The following TUBGCP3 variants were observed in gnomAD, a reference collection of about 807,000 sequenced individuals.
TUBGCP3 encodes the protein gamma-tubulin complex component 3.
Under a neutral mutation model 123.1 loss-of-function variants are expected in TUBGCP3, and 50 were observed. That is an observed-to-expected ratio of 0.41 (90% CI 0.32 to 0.51). The LOEUF (loss-of-function observed/expected upper bound fraction) is 0.51. TUBGCP3 is among the 20% of genes least tolerant of loss of function. The pLI is 0.36. For missense variants in TUBGCP3, 882 were observed against 1,127.0 expected, an observed-to-expected ratio of 0.78 and a Z score of 3.11; for synonymous variants, 405 against 413.9, an observed-to-expected ratio of 0.98 and a Z score of 0.26.
At chr13:112,581,191 A>AC (rs900544941) in intron 1 of TUBGCP3, among the ~76,000 whole-genome samples, 14 of 150,320 alleles carry the variant, frequency 9.3e-5, no homozygotes, top group South Asian at 2.1e-4. Flanking sequence ...AAGGACTCAC[A>AC]CCCCCCCATC....
intron 8 of TUBGCP3, among the ~76,000 whole-genome samples, chr13:112,551,020 A>ACC (rs1879531924): frequency 6.6e-6 from 1 of 152,156 alleles, no homozygotes; most frequent in Non-Finnish European, 1.5e-5. Flanking sequence ...AATGGCGTGA[A>ACC]CATGGGAGGC....
intron 10 of TUBGCP3, 186 bp downstream of exon 10, chr13:112,547,434 G>C: frequency 9.8e-7 from 1 of 1,024,872 alleles, no homozygotes. Context: ...GACAAAAACG[G>C]GCAGGACACA....
intron 3 of TUBGCP3, among the ~76,000 whole-genome samples, chr13:112,560,008 C>T (rs1381178489): frequency 3.3e-5 from 5 of 152,090 alleles, no homozygotes; most frequent in African/African-American, 4.8e-5. Flanking sequence ...GTATCACGCA[C>T]CTGTAGTCCC....
At chr13:112,518,662 C>T (rs1876360542) in intron 16 of TUBGCP3, among the ~76,000 whole-genome samples, 1 of 152,154 alleles carries the variant, frequency 6.6e-6, no homozygotes, top group South Asian at 2.1e-4. Context: ...TTCACATTAT[C>T]CTTAACTAGT....
At chr13:112,569,641 G>A (rs527992968) in intron 1 of TUBGCP3, among the ~76,000 whole-genome samples, 1 of 152,110 alleles carries the variant, frequency 6.6e-6, no homozygotes, top group Non-Finnish European at 1.5e-5. Context: ...GCCAGAAGCA[G>A]GTCACTCAAC....
intron 13 of TUBGCP3, among the ~76,000 whole-genome samples, chr13:112,526,555 A>C (rs1243698615): frequency 6.7e-6 from 1 of 150,266 alleles, no homozygotes; most frequent in East Asian, 2.0e-4. Context: ...CCCATCCCCA[A>C]CATCATCACA....
At chr13:112,512,842 C>G (rs572351991) in intron 17 of TUBGCP3, among the ~76,000 whole-genome samples, 1 of 152,294 alleles carries the variant, frequency 6.6e-6, no homozygotes, top group Non-Finnish European at 1.5e-5. Context: ...GCTGTCTAAA[C>G]ATTAATTTTT....
chr13:112,494,059 C>T (rs1279918729), intron 20 of TUBGCP3, among the ~76,000 whole-genome samples: 2 of 151,396 alleles, frequency 1.3e-5, no homozygotes, highest in East Asian at 2.0e-4. Flanking sequence ...CCTGGTGTCC[C>T]TGAGACACTC....
In TUBGCP3 at chr13:112,545,180, G is replaced by C. The variant is rs1406276278; in HGVS notation, c.1335+519C>G. On this transcript the variant is annotated intron_variant, in intron 11 of 21. Transcript: ENST00000261965. This position sits in a 1 kb window ranked among gnomAD's most constrained non-coding sequence, Gnocchi z 4.1. Reference sequence around the variant, plus strand: ...TCTTACTGACAAAGGTTTTGAGTGTGGTGCCCCTCACCCTACCTTCCACCA... The same window carrying C: ...TCTTACTGACAAAGGTTTTGAGTGTCGTGCCCCTCACCCTACCTTCCACCA... 1 of 154,312 alleles carries C rather than the reference G, an allele frequency of 6.5e-6. No individual in the cohort carries two copies. Among genetic ancestry groups the C allele is most frequent in the African/African-American group, 2.4e-5 (1 of 41,482 alleles). 9.6% of individuals were successfully genotyped at this position (154,312 alleles called of 1,614,324 possible). A position where few individuals can be genotyped will look rare whatever the true frequency, so the allele number is the denominator to read the frequency against.
chr13:112,589,377 TGG>T (rs1882826752), upstream of TUBGCP3, among the ~76,000 whole-genome samples: 1 of 152,226 alleles, frequency 6.6e-6, no homozygotes, highest in African/African-American at 2.4e-5. Context: ...TGATGTTATT[TGG>T]TTTACAGATG....
At chr13:112,522,182 C>A in intron 14 of TUBGCP3, 138 bp downstream of exon 14, 1 of 909,050 alleles carries the variant, frequency 1.1e-6, no homozygotes, top group Non-Finnish European at 1.5e-6. Context: ...ATTTTACATT[C>A]TTTTCAGATT....
chr13:112,548,271 G>A (rs1879233353), intron 8 of TUBGCP3, 95 bp from the exon 9 acceptor site: 2 of 847,350 alleles, frequency 2.4e-6, no homozygotes, highest in East Asian at 2.7e-5. Flanking sequence ...ATAAAGTTCA[G>A]GTGGGGTGCT....
chr13:112,587,514 G>C (rs1466095165), intron 1 of TUBGCP3, among the ~76,000 whole-genome samples: 1 of 152,238 alleles, frequency 6.6e-6, no homozygotes, highest in African/African-American at 2.4e-5. Flanking sequence ...CCCACGGCGC[G>C]TGACACCAGA....
intron 1 of TUBGCP3, among the ~76,000 whole-genome samples, chr13:112,576,997 A>G (rs58860954): frequency 2.3e-4 from 34 of 145,394 alleles, no homozygotes; most frequent in Non-Finnish European, 2.2e-4. Flanking sequence ...AAAAAAAAAA[A>G]GAAAAAAAAA....
At chr13:112,489,440 C>T in intron 21 of TUBGCP3, 141 bp downstream of exon 21, 1 of 697,832 alleles carries the variant, frequency 1.4e-6, no homozygotes, top group South Asian at 1.7e-5. Context: ...TCACAGGGTC[C>T]ACCATGGGTG....
chr13:112,574,579 G>T (rs1402618304), intron 1 of TUBGCP3, among the ~76,000 whole-genome samples: 3 of 152,264 alleles, frequency 2.0e-5, no homozygotes, highest in African/African-American at 7.2e-5. Context: ...ATCCCTGAAA[G>T]ATGTAAAGAA....
In TUBGCP3 at chr13:112,519,523, C is replaced by T. The variant is rs1012619654; in HGVS notation, c.1881+363G>A. On this transcript the variant is annotated intron_variant, in intron 15 of 21. Coordinates refer to ENST00000261965, the MANE Select transcript of TUBGCP3 (RefSeq NM_006322.6). This position sits in a 1 kb window ranked among gnomAD's most constrained non-coding sequence, Gnocchi z 6.2. Reference sequence around the variant, plus strand: ...CCATTTTCTGATAAATACCATCGTACACCATGTCTTGTGCTCCTGTTGGAT... The same window carrying T: ...CCATTTTCTGATAAATACCATCGTATACCATGTCTTGTGCTCCTGTTGGAT... Among the ~76,000 whole-genome samples the T allele has an allele frequency of 1.3e-5, 2 of 152,198 alleles. No individual in the cohort carries two copies. Among genetic ancestry groups the T allele is most frequent in the South Asian group, 2.1e-4 (1 of 4,824 alleles).
intron 10 of TUBGCP3, chr13:112,547,393 C>G: frequency 1.5e-6 from 1 of 652,574 alleles, no homozygotes; most frequent in Non-Finnish European, 2.2e-6. Flanking sequence ...TCCCATCTGT[C>G]GATTCCTATC....
At chr13:112,492,586 A>C (rs1481904474) in intron 20 of TUBGCP3, among the ~76,000 whole-genome samples, 1 of 147,978 alleles carries the variant, frequency 6.8e-6, no homozygotes, top group Non-Finnish European at 1.5e-5. Context: ...TGTCTGAGAC[A>C]CCCTGGCTAT....
Sources: allele counts gnomAD v4.1 joint callset (sites outside exome capture counted in the v4.1 genomes callset), GRCh38; gene constraint gnomAD v4.1.1; non-coding constraint Gnocchi (gnomAD v3.1); transcripts MANE v1.5; gene names NCBI Gene and HGNC (gene_info 2026-07-23, HGNC 2026-07-21).